RBFOX1: variants seen among roughly 807,000 people sequenced by gnomAD.
RBFOX1 encodes RNA binding fox-1 homolog 1, also known as RNA binding protein fox-1 homolog 1.
RBFOX1 carries 8 observed loss-of-function variants against 57.7 expected under a neutral mutation model. That is an observed-to-expected ratio of 0.14 (90% CI 0.08 to 0.25). The LOEUF (loss-of-function observed/expected upper bound fraction) is 0.25, where lower values mean the gene tolerates loss of function less well. RBFOX1 is among the 10% of genes least tolerant of loss of function. The pLI is 1.00. For synonymous variants in RBFOX1, 326 were observed against 222.4 expected (o/e 1.47, Z -4.15); for missense variants, 611 against 548.5 (o/e 1.11, Z -1.14).
intron 5 of RBFOX1, among the ~76,000 whole-genome samples, chr16:7,556,188 C>T (rs1357908437): frequency 6.6e-6 from 1 of 151,986 alleles, no homozygotes; most frequent in Admixed American, 6.6e-5. Flanking sequence ...TTTATAAGGC[C>T]CTGAGAAGTC....
At chr16:6,782,162 A>G (rs748337869) in intron 3 of RBFOX1, among the ~76,000 whole-genome samples, 5 of 152,088 alleles carry the variant, frequency 3.3e-5, no homozygotes, top group Admixed American at 6.6e-5. Flanking sequence ...ATGCACCACC[A>G]CACCCAGCTA....
chr16:7,121,608 A>T (rs2067200756), intron 4 of RBFOX1, among the ~76,000 whole-genome samples: 1 of 152,076 alleles, frequency 6.6e-6, no homozygotes, highest in Admixed American at 6.6e-5. Flanking sequence ...CATTGTAGTA[A>T]AAGTATTAAT....
chr16:5,733,430 T>C (rs112695999), intron 3 of RBFOX1, among the ~76,000 whole-genome samples: 1,869 of 152,258 alleles, frequency 0.012, 29 homozygotes, highest in African/African-American at 0.042. Context: ...AATGTGCAAG[T>C]GGCGCTCTTG....
intron 2 of RBFOX1, among the ~76,000 whole-genome samples, chr16:6,414,436 C>T (rs2093563207): frequency 6.6e-6 from 1 of 152,200 alleles, no homozygotes; most frequent in African/African-American, 2.4e-5. Flanking sequence ...AGGCAGTGGC[C>T]ATGGCCAGTA....
chr16:5,720,142 T>C (rs62014072), intron 3 of RBFOX1, among the ~76,000 whole-genome samples: 82,523 of 152,166 alleles, frequency 0.54, 25,979 homozygotes, highest in Non-Finnish European at 0.72. Flanking sequence ...TATCTCATTG[T>C]GGTTTTGAGG....
At chr16:7,241,063 A>T (rs932260318) in intron 4 of RBFOX1, among the ~76,000 whole-genome samples, 2 of 152,196 alleles carry the variant, frequency 1.3e-5, no homozygotes, top group African/African-American at 4.8e-5. Flanking sequence ...TTGGAAAAGA[A>T]GGTTTATTTA....
At chr16:7,154,635 G>C (rs1298814253) in intron 4 of RBFOX1, among the ~76,000 whole-genome samples, 1 of 151,928 alleles carries the variant, frequency 6.6e-6, no homozygotes, top group Non-Finnish European at 1.5e-5. Context: ...AAGAAAATGT[G>C]ATTGGAGAGG....
chr16:6,584,918 C>A (rs1219913138), intron 2 of RBFOX1, among the ~76,000 whole-genome samples: 1 of 152,100 alleles, frequency 6.6e-6, no homozygotes, highest in African/African-American at 2.4e-5. Context: ...AGATTGGGGA[C>A]CTGCGTTGAA....
At chr16:7,376,663 CT>C (rs2097691198) in intron 4 of RBFOX1, among the ~76,000 whole-genome samples, 1 of 152,120 alleles carries the variant, frequency 6.6e-6, no homozygotes, top group African/African-American at 2.4e-5. Context: ...ATCATCGGTG[CT>C]TTTTGTTTTC....
Position 7,509,971 on chromosome 16 carries a change from T to G in RBFOX1, c.28-8176T>G, listed in dbSNP as rs75061074. Among the ~76,000 whole-genome samples, 671 of 120,994 alleles carry G rather than the reference T, an allele frequency of 5.5e-3. 9 individuals carry two copies. The highest frequency in any genetic ancestry group is 0.021 in the African/African-American group (652 of 31,686). The allele number at this position is 120,994 out of a possible 152,430, so 79.4% of individuals were successfully genotyped here. A position where few individuals can be genotyped will look rare whatever the true frequency, so the allele number is the denominator to read the frequency against. On this transcript the variant is annotated intron_variant, in intron 4 of 15. Transcript: ENST00000550418. ...TTAATGTGGTCGAGCAGTGGGTTTTTTTTTTTTTTCCCTTCCTCCTCTATA... is the reference window on the plus strand; with the variant it reads ...TTAATGTGGTCGAGCAGTGGGTTTTGTTTTTTTTTCCCTTCCTCCTCTATA...
In RBFOX1 at chr16:7,447,430, C is replaced by CAAAAAAAAAAAAAAA. The variant is rs202234230; in HGVS notation, c.28-70711_28-70697dup. On this transcript the variant is annotated intron_variant, in intron 4 of 15. Transcript: ENST00000550418. ...GCTGGCCAACCGAGTGAGTCTATCT[C>CAAAAAAAAAAAAAAA]AAAAAAAAAAAAAAAAAAAAGAGAG... Among the ~76,000 whole-genome samples the CAAAAAAAAAAAAAAA allele has an allele frequency of 5.5e-4, 54 of 98,510 alleles. 1 individual carries two copies. Among genetic ancestry groups the CAAAAAAAAAAAAAAA allele is most frequent in the African/African-American group, 2.0e-3 (51 of 26,012 alleles). The allele number at this position is 98,510 out of a possible 152,430, so 64.6% of individuals were successfully genotyped here. A position where few individuals can be genotyped will look rare whatever the true frequency, so the allele number is the denominator to read the frequency against.
At chr16:7,201,718 C>T (rs184295556) in intron 4 of RBFOX1, among the ~76,000 whole-genome samples, 1 of 152,100 alleles carries the variant, frequency 6.6e-6, no homozygotes, top group African/African-American at 2.4e-5. Flanking sequence ...CCACCTCAGC[C>T]TCCCAAAGTA....
chr16:6,896,822 G>A (rs749756800), intron 3 of RBFOX1, among the ~76,000 whole-genome samples: 3 of 152,132 alleles, frequency 2.0e-5, no homozygotes, highest in Non-Finnish European at 4.4e-5. Flanking sequence ...TGAGTTTATA[G>A]GATAGAAAGA....
intron 3 of RBFOX1, among the ~76,000 whole-genome samples, chr16:5,695,935 T>A (rs2050829975): frequency 6.6e-6 from 1 of 152,152 alleles, no homozygotes. Flanking sequence ...AAAAAATCGA[T>A]AAGAGAAGAA....
At chr16:6,923,446 T>A (rs932639295) in intron 3 of RBFOX1, among the ~76,000 whole-genome samples, 1 of 151,878 alleles carries the variant, frequency 6.6e-6, no homozygotes, top group African/African-American at 2.4e-5. Flanking sequence ...GGAAGGAGAG[T>A]TGCTGGAAAC....
intron 4 of RBFOX1, among the ~76,000 whole-genome samples, chr16:5,914,977 C>T (rs1350710669): frequency 6.6e-6 from 1 of 152,160 alleles, no homozygotes; most frequent in East Asian, 1.9e-4. Context: ...CTTTTTATCA[C>T]CTACTATTGT....
chr16:6,499,208 G>C (rs529817647), intron 2 of RBFOX1, among the ~76,000 whole-genome samples: 1 of 152,096 alleles, frequency 6.6e-6, no homozygotes, highest in East Asian at 1.9e-4. Context: ...TTGGTTGTTA[G>C]GACATGATTT....
At chr16:6,242,864 G>T (rs922153619) in intron 1 of RBFOX1, among the ~76,000 whole-genome samples, 1 of 152,004 alleles carries the variant, frequency 6.6e-6, no homozygotes, top group Non-Finnish European at 1.5e-5. Context: ...TGAAGGTTGA[G>T]TTTTTAACCA....
chr16:5,712,578 T>C (rs577772132), intron 3 of RBFOX1, among the ~76,000 whole-genome samples: 1 of 152,124 alleles, frequency 6.6e-6, no homozygotes, highest in African/African-American at 2.4e-5. Flanking sequence ...ATCTATGAGC[T>C]CACTTAATTC....
Sources: gnomAD v4.1 joint callset for allele counts (sites outside exome capture counted in the v4.1 genomes callset) on GRCh38, gnomAD v4.1.1 for gene constraint, MANE v1.5 for transcripts, NCBI Gene and HGNC (gene_info 2026-07-23, HGNC 2026-07-21) for gene names.